The following FRAS1 variants were observed in gnomAD, a reference collection of about 807,000 sequenced individuals.
FRAS1 encodes Fraser extracellular matrix complex subunit 1, also known as extracellular matrix organizing protein FRAS1.
A neutral mutation model predicts 435.2 loss-of-function variants in FRAS1; 290 were observed. The observed-to-expected ratio is 0.67, with a 90% CI of 0.61 to 0.73. FRAS1 has a LOEUF of 0.73. Among genes scored for constraint, FRAS1 ranks in the 30% least tolerant of loss-of-function variants. The pLI is 0.00. For synonymous variants in FRAS1, 1,800 were observed against 1,851.0 expected, an observed-to-expected ratio of 0.97 and a Z score of 0.71; for missense variants, 4,860 against 5,001.5, an observed-to-expected ratio of 0.97 and a Z score of 0.85.
intron 70 of FRAS1, among the ~76,000 whole-genome samples, chr4:78,528,150 G>T (rs11723383): frequency 6.6e-6 from 1 of 152,084 alleles, no homozygotes; most frequent in Non-Finnish European, 1.5e-5. Flanking sequence ...TTTGAGAAGA[G>T]AGGAGGAAAG....
intron 2 of FRAS1, among the ~76,000 whole-genome samples, chr4:78,206,596 C>T (rs1037220519): frequency 2.0e-5 from 3 of 152,102 alleles, no homozygotes; most frequent in Admixed American, 6.6e-5. Context: ...AATTAGTTCA[C>T]GTAATATTTG....
At chr4:78,440,327 C>T (rs1034166882) in intron 40 of FRAS1, among the ~76,000 whole-genome samples, 5 of 152,260 alleles carry the variant, frequency 3.3e-5, no homozygotes, top group East Asian at 3.9e-4. Flanking sequence ...CCACCGGGCC[C>T]GGCCAAACTA....
At chr4:78,243,337 G>T (rs1418569324) in intron 3 of FRAS1, among the ~76,000 whole-genome samples, 1 of 152,020 alleles carries the variant, frequency 6.6e-6, no homozygotes, top group Admixed American at 6.6e-5. Flanking sequence ...TATTGTTGGT[G>T]GTTCTCCTAG....
chr4:78,420,660 G>C (rs1733744889), intron 33 of FRAS1, among the ~76,000 whole-genome samples: 1 of 119,706 alleles, frequency 8.4e-6, no homozygotes, highest in East Asian at 1.9e-4. Flanking sequence ...AAAGAAGTTA[G>C]ATTGAGAAAA....
At chr4:78,207,688 T>C (rs1723321880) in intron 2 of FRAS1, among the ~76,000 whole-genome samples, 1 of 152,124 alleles carries the variant, frequency 6.6e-6, no homozygotes, top group Non-Finnish European at 1.5e-5. Flanking sequence ...AGGGAGCAGT[T>C]TGAAAAGAAT....
At chr4:78,115,483 A>G (rs1743090342) in intron 2 of FRAS1, among the ~76,000 whole-genome samples, 1 of 152,140 alleles carries the variant, frequency 6.6e-6, no homozygotes. Flanking sequence ...TTGGTAAGCT[A>G]TTAATTATTG....
Position 78,443,274 on chromosome 4 carries a change from G to T in FRAS1, c.5665+1977G>T, listed in dbSNP as rs1411221092. Among the ~76,000 whole-genome samples the T allele has an allele frequency of 2.6e-5, 4 of 152,136 alleles. No homozygotes were observed. The East Asian group carries it at 7.7e-4, about 29-fold the overall frequency. ...TTGGGAGGCTGAGGCAGGAGGATCA[G>T]TTGAGCCCAGGAATTTGAGGCTGTG... On this transcript the variant is annotated intron_variant, in intron 41 of 73. Transcript: ENST00000512123.
chr4:78,425,739 A>G (rs1232156748), intron 35 of FRAS1, among the ~76,000 whole-genome samples: 2 of 152,220 alleles, frequency 1.3e-5, no homozygotes. Flanking sequence ...ATATTTTATA[A>G]AACAATTTAC....
At position 78,418,967 on chromosome 4, in the gene FRAS1, A is replaced by C; in HGVS notation, c.4444A>C (p.Thr1482Pro). 1 of 1,602,680 alleles carries C rather than the reference A, an allele frequency of 6.2e-7. No homozygotes were observed. The highest frequency in any genetic ancestry group is 8.5e-7 in the Non-Finnish European group (1 of 1,174,418). ...TGTTTAGGCTAGAGAAGATGGCCTG[A>C]CTGTTATTCAGCCTCATTCCCTCTC... ...LHMTAREDGLTVIQPHSLSFI... is the reference protein window; with the variant it reads ...LHMTAREDGLPVIQPHSLSFI... The change falls in exon 33 of 74, where the codon ACT becomes CCT. Residue 1482 changes from threonine to proline, a missense_variant. Transcript: ENST00000512123.
At chr4:78,256,290 CAT>C (rs1725792376) in intron 6 of FRAS1, among the ~76,000 whole-genome samples, 1 of 152,212 alleles carries the variant, frequency 6.6e-6, no homozygotes, top group South Asian at 2.1e-4. Flanking sequence ...CTACTGTGCT[CAT>C]GTCTCATCTC....
chr4:78,251,600 T>C (rs780487931), intron 4 of FRAS1, among the ~76,000 whole-genome samples: 8 of 152,222 alleles, frequency 5.3e-5, no homozygotes, highest in African/African-American at 9.6e-5. Context: ...TGTTCTACTC[T>C]GGATTGAGCA....
At position 78,057,822 on chromosome 4, in the gene FRAS1, C is replaced by T. The variant is rs886059624; in HGVS notation, c.-188C>T. On this transcript the variant is annotated 5_prime_UTR_variant, in exon 1 of 74. Coordinates refer to ENST00000512123, the MANE Select transcript of FRAS1 (RefSeq NM_025074.7). The surrounding 1 kb of genome is among the most constrained non-coding windows in gnomAD (Gnocchi z 4.2). ...GAGCAGCGAGTGAATTGAACCCCAG[C>T]CCGCTCCGGCGCCTCCGGGCTGATG... 6 of 585,600 alleles carry T rather than the reference C, an allele frequency of 1.0e-5. No individual in the cohort carries two copies. The Admixed American group carries it at 1.8e-4, about 17-fold the overall frequency. The allele number at this position is 585,600 out of a possible 1,614,324, so 36.3% of individuals were successfully genotyped here.
intron 14 of FRAS1, 103 bp downstream of exon 14, chr4:78,286,642 C>T: frequency 8.3e-7 from 1 of 1,205,830 alleles, no homozygotes. Flanking sequence ...AGCACTTTTT[C>T]AAATAAGAGA....
chr4:78,492,432 G>T (rs921120558), intron 59 of FRAS1, among the ~76,000 whole-genome samples: 2 of 152,118 alleles, frequency 1.3e-5, no homozygotes, highest in Admixed American at 6.6e-5. Context: ...GCATGGTAGT[G>T]GTACCAAAAG....
At position 78,541,008 on chromosome 4, in the gene FRAS1, A is replaced by T; in HGVS notation, c.11923A>T (p.Asn3975Tyr). The change falls in exon 74 of 74, where the codon AAC (asparagine) becomes TAC (tyrosine). Residue 3975 changes from asparagine to tyrosine, a missense_variant. By Grantham distance (143) the Asn-to-Tyr change is moderately radical. Coordinates refer to ENST00000512123, the MANE Select transcript of FRAS1 (RefSeq NM_025074.7). ...GAATAGACACTACTGCACTGTGCGG[A>T]ACGTCAACATCCTGAGTGAGCCTGA... ...NVNRHYCTVR[N>Y]VNILSEPEAA... The T allele has an allele frequency of 6.4e-7, 1 of 1,564,880 alleles. No individual in the cohort carries two copies. The highest frequency in any genetic ancestry group is 1.2e-5 in the South Asian group (1 of 84,122).
intron 2 of FRAS1, among the ~76,000 whole-genome samples, chr4:78,110,283 G>C (rs1197992358): frequency 8.7e-6 from 1 of 114,676 alleles, no homozygotes; most frequent in Non-Finnish European, 1.8e-5. Flanking sequence ...AAAAGAGCCC[G>C]CATCGCCAAG....
Position 78,398,750 on chromosome 4 carries a change from C to T in FRAS1, c.3976-1984C>T, listed in dbSNP as rs568971236. ...CTGTAATCGCAACACTTTGGGAGGC[C>T]GAGGCAGGCAGATCACAAGGTCAGG... On this transcript the variant is annotated intron_variant, in intron 29 of 73. Coordinates refer to ENST00000512123, the MANE Select transcript of FRAS1 (RefSeq NM_025074.7). Among the ~76,000 whole-genome samples, 3 of 152,114 alleles carry T rather than the reference C, an allele frequency of 2.0e-5. No individual in the cohort carries two copies. The East Asian group carries it at 5.8e-4, about 29-fold the overall frequency.
At position 78,522,678 on chromosome 4, in the gene FRAS1, C is replaced by A. The variant is rs1191206270; in HGVS notation, c.10678C>A (p.Pro3560Thr). The A allele has an allele frequency of 2.5e-6, 4 of 1,607,976 alleles. No homozygotes were observed. The Admixed American group carries it at 5.1e-5, about 20-fold the overall frequency. Residue 3560 changes from proline to threonine, a missense_variant, in exon 69 of 74, where the codon CCA (proline) becomes ACA (threonine). Physicochemically the swap from Pro to Thr is conservative, Grantham distance 38 (BLOSUM62 -1). Coordinates refer to ENST00000512123, the MANE Select transcript of FRAS1 (RefSeq NM_025074.7). ...GTTTGTGATGGAGCATCACACTCTC[C>A]CAGAAGTGAAATCTTTCGTATTGAC... ...GQFVMEHHTL[P>T]EVKSFVLTPD...
rs373193364 is a variant in FRAS1 at position 78,062,736 on chromosome 4, G to GT, written c.77-3243dup. ...ACTTGTTTAAATTTTATGCAGTAAC[G>GT]TTTTTTCTGTGTGACCTGCAAGAAA... On this transcript the variant is annotated intron_variant, in intron 1 of 73. Coordinates refer to ENST00000512123, the MANE Select transcript of FRAS1 (RefSeq NM_025074.7). Among the ~76,000 whole-genome samples, 46 of 152,238 alleles carry GT rather than the reference G, an allele frequency of 3.0e-4. 1 individual carries two copies. The highest frequency in any genetic ancestry group is 1.1e-3 in the African/African-American group (44 of 41,556).
Sources: allele counts gnomAD v4.1 joint callset (sites outside exome capture counted in the v4.1 genomes callset), GRCh38; gene constraint gnomAD v4.1.1; non-coding constraint Gnocchi (gnomAD v3.1); transcripts MANE v1.5; gene names NCBI Gene and HGNC (gene_info 2026-07-23, HGNC 2026-07-21).